Variants in AAAS observed in about 807,000 individuals in gnomAD.
AAAS encodes aladin.
A neutral mutation model predicts 75.6 loss-of-function variants in AAAS; 60 were observed. That is an observed-to-expected ratio of 0.79 (90% CI 0.64 to 0.98). The LOEUF (loss-of-function observed/expected upper bound fraction) is 0.98, where lower values mean the gene tolerates loss of function less well. AAAS is among the 50% of genes least tolerant of loss of function. The pLI, the probability that AAAS is intolerant of heterozygous loss-of-function variation, is 0.00. For synonymous variants in AAAS, 271 were observed against 265.0 expected, an observed-to-expected ratio of 1.02 and a Z score of -0.22; for missense variants, 658 against 686.9, an observed-to-expected ratio of 0.96 and a Z score of 0.47.
intron 7 of AAAS, among the ~76,000 whole-genome samples, chr12:53,313,608 AT>A (rs1944422604): frequency 6.8e-6 from 1 of 146,448 alleles, no homozygotes; most frequent in African/African-American, 2.6e-5. Flanking sequence ...GCCTTTATTC[AT>A]AATTTTTTTT....
chr12:53,315,147 G>A lies in AAAS; in HGVS notation c.400-7C>T. On this transcript the variant is annotated splice_polypyrimidine_tract_variant and splice_region_variant and intron_variant, in intron 4 of 15. Transcript: ENST00000209873. ...TCAGATCTTCGCTCCTGAGCTGTAA[G>A]AACAAGATAGACACAGGACACACTG... The A allele has an allele frequency of 6.2e-7, 1 of 1,614,142 alleles. No homozygotes were observed. The highest frequency in any genetic ancestry group is 8.5e-7 in the Non-Finnish European group (1 of 1,180,026).
At chr12:53,320,839 T>G in intron 1 of AAAS, 147 bp from the exon 2 acceptor site, 1 of 918,734 alleles carries the variant, frequency 1.1e-6, no homozygotes, top group South Asian at 1.5e-5. Context: ...CTTGTGAGAA[T>G]GGGAAACAAG....
At chr12:53,308,696 C>T (rs758933179) in intron 11 of AAAS, 29 bp downstream of exon 11, 13 of 1,613,328 alleles carry the variant, frequency 8.1e-6, no homozygotes, top group South Asian at 2.2e-5. Flanking sequence ...TCTGACCACC[C>T]CAAATACTGA....
chr12:53,307,996 G>C, intron 14 of AAAS, 56 bp downstream of exon 14: 1 of 1,612,934 alleles, frequency 6.2e-7, no homozygotes, highest in Non-Finnish European at 8.5e-7. Flanking sequence ...ATGTGGGTTT[G>C]TTTGTGCAGG....
intron 7 of AAAS, among the ~76,000 whole-genome samples, chr12:53,311,119 T>C (rs1363528887): frequency 1.3e-5 from 2 of 152,026 alleles, no homozygotes; most frequent in Non-Finnish European, 1.5e-5. Context: ...TTTTTTTATT[T>C]TTATTTTTTG....
chr12:53,308,770 A>G lies in AAAS; in HGVS notation c.1042T>C (p.Leu348=). The G allele has an allele frequency of 4.3e-6, 7 of 1,614,156 alleles. No homozygotes were observed. The highest frequency in any genetic ancestry group is 5.9e-6 in the Non-Finnish European group (7 of 1,180,038). Residue 348 remains leucine, a synonymous_variant, in exon 11 of 16, where the codon TTG becomes CTG. Coordinates refer to ENST00000209873, the MANE Select transcript of AAAS (RefSeq NM_015665.6). ...PDGSRLLFTV[L]GEPLIYSLSF... Reference sequence around the variant, plus strand: ...AGGGAGTAAATCAGTGGCTCTCCCAATACAGTGAACAGCAGTCGGCTGCCA... The same window carrying G: ...AGGGAGTAAATCAGTGGCTCTCCCAGTACAGTGAACAGCAGTCGGCTGCCA...
At position 53,308,427 on chromosome 12, in the gene AAAS, C is replaced by T; in HGVS notation, c.1181+8G>A. 6.2e-7 allele frequency: 1 copy of T among 1,614,194 alleles called. No homozygotes were observed. Among genetic ancestry groups the T allele is most frequent in the Non-Finnish European group, 8.5e-7 (1 of 1,180,034 alleles). On this transcript the variant is annotated splice_region_variant and intron_variant, in intron 12 of 15. Transcript: ENST00000209873. The stretch of plus-strand genomic sequence containing the variant: ...TTTCACTGCCACTCCCTCAACCACT[C>T]AGCTCACCTCTCCTCACCATCTGGT...
At position 53,307,869 on chromosome 12, in the gene AAAS, G is replaced by A. The variant is rs780045347; in HGVS notation, c.1392C>T (p.Phe464=). 4 of 1,614,110 alleles carry A rather than the reference G, an allele frequency of 2.5e-6. No individual in the cohort carries two copies. The African/African-American group carries it at 5.3e-5, about 22-fold the overall frequency. ...QPQLITFHPS[F]NKGALLSVGW... is the part of the protein sequence containing the mutation. ...CCACACTGAGCAGGGCCCCTTTGTT[G>A]AAGGAAGGATGGAAAGTGATGAGCT... Residue 464 remains phenylalanine, a synonymous_variant, in exon 15 of 16, where the codon TTC becomes TTT. Coordinates refer to ENST00000209873, the MANE Select transcript of AAAS (RefSeq NM_015665.6).
At chr12:53,315,531 G>T in intron 3 of AAAS, 105 bp from the exon 4 acceptor site, 5 of 1,220,572 alleles carry the variant, frequency 4.1e-6, no homozygotes, top group East Asian at 2.5e-5. Context: ...AGGTCCTTCT[G>T]CCCAGTAAGT....
rs191832948 is a variant in AAAS at position 53,320,681 on chromosome 12, A to T, written c.135T>A (p.Leu45=). Residue 45 remains leucine, a synonymous_variant, in exon 2 of 16, where the codon CTT becomes CTA. Coordinates refer to ENST00000209873, the MANE Select transcript of AAAS (RefSeq NM_015665.6). ...GATCCTTTGTCAGTTGTAGGACAGG[A>T]AGATTGATCCACTATAGCACAAAAG... ...PPDFRGQWIN[L]PVLQLTKDPL... The T allele has an allele frequency of 2.4e-5, 38 of 1,614,112 alleles. No individual in the cohort carries two copies. Among genetic ancestry groups the T allele is most frequent in the Non-Finnish European group, 1.9e-5 (22 of 1,179,986 alleles).
intron 8 of AAAS, 139 bp from the exon 9 acceptor site, chr12:53,309,420 C>T: frequency 6.6e-7 from 1 of 1,507,752 alleles, no homozygotes; most frequent in Non-Finnish European, 9.1e-7. Flanking sequence ...CGGGTTCATG[C>T]TGACAATTAC....
intron 7 of AAAS, chr12:53,309,972 G>C: frequency 1.8e-6 from 1 of 561,424 alleles, no homozygotes; most frequent in South Asian, 2.0e-5. Flanking sequence ...GGGTGAAAGA[G>C]TGCTTTCACG....
rs200841603 is a variant in AAAS, at chr12:53,308,365, G to T, written c.1182-16C>A. The T allele has an allele frequency of 5.2e-5, 84 of 1,614,184 alleles. No homozygotes were observed. In the East Asian group the frequency reaches 1.8e-3, roughly 34 times the overall value. ...TCCCCCAAGCCTGTGGGTAAGGACA[G>T]GTTAGGAGAGTTTCAGTGTGGTCCC... On this transcript the variant is annotated splice_polypyrimidine_tract_variant and intron_variant, in intron 12 of 15. Coordinates refer to ENST00000209873, the MANE Select transcript of AAAS (RefSeq NM_015665.6).
intron 2 of AAAS, among the ~76,000 whole-genome samples, chr12:53,316,380 A>C (rs1291111969): frequency 6.6e-6 from 1 of 151,680 alleles, no homozygotes. Flanking sequence ...ACTTGAACCC[A>C]GGAAGCGGAG....
At chr12:53,311,484 C>T (rs540706469) in intron 7 of AAAS, among the ~76,000 whole-genome samples, 2 of 152,178 alleles carry the variant, frequency 1.3e-5, no homozygotes, top group Non-Finnish European at 2.9e-5. Context: ...GCGTGGTGTA[C>T]GCACCTATAG....
chr12:53,317,694 A>G (rs1944485862), intron 2 of AAAS, among the ~76,000 whole-genome samples: 1 of 152,108 alleles, frequency 6.6e-6, no homozygotes, highest in African/African-American at 2.4e-5. Context: ...GCGAGCTGAG[A>G]TCACGCCACT....
At chr12:53,316,402 C>T (rs1944461237) in intron 2 of AAAS, among the ~76,000 whole-genome samples, 2 of 151,120 alleles carry the variant, frequency 1.3e-5, no homozygotes, top group Admixed American at 6.6e-5. Context: ...CTGCAGTAAG[C>T]CGAGATTGTG....
intron 6 of AAAS, 47 bp downstream of exon 6, chr12:53,314,704 A>C: frequency 6.4e-7 from 1 of 1,572,892 alleles, no homozygotes; most frequent in Non-Finnish European, 8.7e-7. Context: ...CTGGCAAGGG[A>C]AGGTGATATT....
rs758087054 is a variant in AAAS, at chr12:53,308,368, T to G, written c.1182-19A>C. ...CCCAAGCCTGTGGGTAAGGACAGGTTAGGAGAGTTTCAGTGTGGTCCCTCC... is the reference window on the plus strand; with the variant it reads ...CCCAAGCCTGTGGGTAAGGACAGGTGAGGAGAGTTTCAGTGTGGTCCCTCC... On this transcript the variant is annotated intron_variant, in intron 12 of 15. Coordinates refer to ENST00000209873, the MANE Select transcript of AAAS (RefSeq NM_015665.6). 1 of 1,614,198 alleles carries G rather than the reference T, an allele frequency of 6.2e-7. No homozygotes were observed. The highest frequency in any genetic ancestry group is 1.7e-5 in the Admixed American group (1 of 60,026).
Sources: allele counts gnomAD v4.1 joint callset (sites outside exome capture counted in the v4.1 genomes callset), GRCh38; gene constraint gnomAD v4.1.1; transcripts MANE v1.5; gene names NCBI Gene and HGNC (gene_info 2026-07-23, HGNC 2026-07-21).